MRPL3: variants seen among roughly 807,000 people sequenced by gnomAD.
The protein encoded by MRPL3 is mitochondrial ribosomal protein L3, also known as large ribosomal subunit protein uL3m.
A neutral mutation model predicts 44.3 loss-of-function variants in MRPL3; 43 were observed. The ratio of observed to expected loss-of-function variants is 0.97; its 90% CI spans 0.76 to 1.25. MRPL3 has a LOEUF of 1.25. Among genes scored for constraint, MRPL3 ranks in the 50% most tolerant of loss-of-function variants. The probability of loss-of-function intolerance (pLI) is 0.00; values close to 1 mark genes in which losing one functional copy is unlikely to be tolerated. For missense variants in MRPL3, 406 were observed against 427.6 expected (o/e 0.95, Z 0.45); for synonymous variants, 171 against 152.3 (o/e 1.12, Z -0.91).
chr3:131,500,373 G>T, intron 3 of MRPL3, 57 bp downstream of exon 3: 1 of 1,389,448 alleles, frequency 7.2e-7, no homozygotes, highest in Non-Finnish European at 1.0e-6. Context: ...GTTAAGGTTT[G>T]CACAAACAGA....
intron 2 of MRPL3, 48 bp downstream of exon 2, chr3:131,501,483 C>T (rs759739529): frequency 2.1e-6 from 3 of 1,434,920 alleles, no homozygotes; most frequent in African/African-American, 2.8e-5. Flanking sequence ...ATGTGTCCAG[C>T]CACACAGTAA....
intron 6 of MRPL3, among the ~76,000 whole-genome samples, chr3:131,475,462 C>G (rs1933834706): frequency 1.3e-5 from 2 of 152,122 alleles, no homozygotes; most frequent in Non-Finnish European, 2.9e-5. Context: ...GGGAGGCCAG[C>G]CTGGCCAACA....
At chr3:131,469,418 G>A (rs1480838804) in intron 8 of MRPL3, among the ~76,000 whole-genome samples, 1 of 151,716 alleles carries the variant, frequency 6.6e-6, no homozygotes, top group Non-Finnish European at 1.5e-5. Flanking sequence ...ACAATATCTT[G>A]TAAAAATCTT....
chr3:131,477,640 G>C (rs1933884464), intron 6 of MRPL3, among the ~76,000 whole-genome samples: 1 of 151,914 alleles, frequency 6.6e-6, no homozygotes, highest in Non-Finnish European at 1.5e-5. Flanking sequence ...CCTCTCCTCT[G>C]ACAACTCCAA....
chr3:131,470,260 C>T (rs1009165724), intron 7 of MRPL3, among the ~76,000 whole-genome samples: 1 of 152,122 alleles, frequency 6.6e-6, no homozygotes, highest in African/African-American at 2.4e-5. Flanking sequence ...TATCAGAATA[C>T]TAGTTTGTCT....
intron 3 of MRPL3, among the ~76,000 whole-genome samples, chr3:131,498,666 C>T (rs565509775): frequency 1.8e-4 from 24 of 133,548 alleles, no homozygotes; most frequent in Non-Finnish European, 3.4e-4. Flanking sequence ...CGTGCCACTG[C>T]ACTCCAGCCT....
rs755552703 is a variant in MRPL3 at position 131,462,877 on chromosome 3, T to A, written c.895-2A>T. 2 of 1,602,816 alleles carry A rather than the reference T, an allele frequency of 1.2e-6. No homozygotes were observed. The highest frequency in any genetic ancestry group is 2.7e-5 in the African/African-American group (2 of 74,514). On this transcript the variant is annotated splice_acceptor_variant, in intron 9 of 9. Coordinates refer to ENST00000264995, the MANE Select transcript of MRPL3 (RefSeq NM_007208.4). LOFTEE classifies it high-confidence loss of function. ...TGCAGGCAGTTTAGAATCTTTGACC[T>A]GAGAGAAGGCAAAAATCTTAGTGAA... is the stretch of plus-strand genomic sequence containing the variant.
At chr3:131,487,581 T>C in intron 6 of MRPL3, 99 bp downstream of exon 6, 1 of 925,042 alleles carries the variant, frequency 1.1e-6, no homozygotes, top group Non-Finnish European at 1.7e-6. Context: ...ATATTTATCC[T>C]TTATTCACTG....
intron 6 of MRPL3, among the ~76,000 whole-genome samples, chr3:131,482,358 T>C (rs941309218): frequency 6.6e-6 from 1 of 151,866 alleles, no homozygotes; most frequent in Non-Finnish European, 1.5e-5. Context: ...CTACTAAAAA[T>C]ACAAAAAATT....
chr3:131,489,824 T>C (rs1448168242), intron 5 of MRPL3, among the ~76,000 whole-genome samples, 157 bp downstream of exon 5: 1 of 117,032 alleles, frequency 8.5e-6, no homozygotes, highest in African/African-American at 3.2e-5. Flanking sequence ...GTTTTTCCAC[T>C]AAAAAAAAAA....
rs1184583286 is a variant in MRPL3 at position 131,462,884 on chromosome 3, A to G, written c.895-9T>C. The G allele has an allele frequency of 3.1e-6, 5 of 1,602,346 alleles. No homozygotes were observed. The Admixed American group carries it at 5.1e-5, about 16-fold the overall frequency. On this transcript the variant is annotated splice_polypyrimidine_tract_variant and intron_variant, in intron 9 of 9. Transcript: ENST00000264995. ...AGTTTAGAATCTTTGACCTGAGAGA[A>G]GGCAAAAATCTTAGTGAAACCAATT...
chr3:131,464,516 C>G (rs1421339664), intron 9 of MRPL3, among the ~76,000 whole-genome samples: 3 of 152,046 alleles, frequency 2.0e-5, no homozygotes, highest in Non-Finnish European at 4.4e-5. Context: ...CTACCTCATT[C>G]TTTTTATGTC....
intron 6 of MRPL3, among the ~76,000 whole-genome samples, chr3:131,479,732 C>G (rs375571775): frequency 2.4e-4 from 37 of 152,262 alleles, no homozygotes; most frequent in Non-Finnish European, 4.1e-4. Context: ...GTAGTCCCAG[C>G]TACTCGGGAG....
intron 4 of MRPL3, among the ~76,000 whole-genome samples, chr3:131,494,028 T>C (rs939378656): frequency 2.0e-5 from 3 of 152,228 alleles, no homozygotes; most frequent in African/African-American, 4.8e-5. Flanking sequence ...CAGTTGCCTA[T>C]AGTTGACATG....
At chr3:131,485,210 A>G (rs1225169578) in intron 6 of MRPL3, among the ~76,000 whole-genome samples, 3 of 152,238 alleles carry the variant, frequency 2.0e-5, no homozygotes, top group Admixed American at 1.3e-4. Flanking sequence ...AGTTTTAAAA[A>G]TCACTTTAAA....
At chr3:131,475,461 G>A (rs1286312074) in intron 6 of MRPL3, among the ~76,000 whole-genome samples, 1 of 152,162 alleles carries the variant, frequency 6.6e-6, no homozygotes, top group African/African-American at 2.4e-5. Context: ...GGGGAGGCCA[G>A]CCTGGCCAAC....
chr3:131,474,765 A>ATTTT (rs372689423), intron 6 of MRPL3, among the ~76,000 whole-genome samples: 1 of 137,868 alleles, frequency 7.3e-6, no homozygotes, highest in East Asian at 2.1e-4. Context: ...AGACTTTTTA[A>ATTTT]TTTTTTTTTT....
intron 5 of MRPL3, chr3:131,488,898 G>A (rs1056241462): frequency 6.6e-6 from 1 of 151,812 alleles, no homozygotes; most frequent in Non-Finnish European, 1.5e-5. Context: ...ATTTTGATTT[G>A]TCAATCAAAA....
At chr3:131,489,723 T>C (rs993032876) in intron 5 of MRPL3, among the ~76,000 whole-genome samples, 11 of 152,034 alleles carry the variant, frequency 7.2e-5, no homozygotes, top group Non-Finnish European at 1.3e-4. Flanking sequence ...GTGTATTTCT[T>C]TGAGGTGGCT....
Sources: gnomAD v4.1 joint callset for allele counts (sites outside exome capture counted in the v4.1 genomes callset) on GRCh38, gnomAD v4.1.1 for gene constraint, MANE v1.5 for transcripts, NCBI Gene and HGNC (gene_info 2026-07-23, HGNC 2026-07-21) for gene names.